The following INPP5F variants were observed in gnomAD, a reference collection of about 807,000 sequenced individuals.
The protein encoded by INPP5F is phosphatidylinositide 4-phosphatase SAC2.
Under a neutral mutation model 137.2 loss-of-function variants are expected in INPP5F, and 97 were observed. The ratio of observed to expected loss-of-function variants is 0.71; its 90% CI spans 0.60 to 0.84. The LOEUF (loss-of-function observed/expected upper bound fraction) is 0.84. Among genes scored for constraint, INPP5F ranks in the 40% least tolerant of loss-of-function variants. The pLI is 0.00. For synonymous variants in INPP5F, 504 were observed against 476.9 expected, an observed-to-expected ratio of 1.06 and a Z score of -0.74; for missense variants, 1,271 against 1,371.9, an observed-to-expected ratio of 0.93 and a Z score of 1.16.
At chr10:119,727,660 C>G (rs1284762233) in intron 1 of INPP5F, among the ~76,000 whole-genome samples, 2 of 152,138 alleles carry the variant, frequency 1.3e-5, no homozygotes, top group Non-Finnish European at 2.9e-5. Context: ...CAGGCTCTGT[C>G]TATATTTTCT....
At chr10:119,771,827 T>C in intron 2 of INPP5F, among the ~76,000 whole-genome samples, 1 of 132,568 alleles carries the variant, frequency 7.5e-6, no homozygotes, top group South Asian at 2.5e-4. Flanking sequence ...TTATCATCCA[T>C]ACTCCATAAA....
At chr10:119,809,975 T>C in intron 13 of INPP5F, 125 bp from the exon 14 acceptor site, 1 of 638,140 alleles carries the variant, frequency 1.6e-6, no homozygotes, top group South Asian at 2.1e-5. Flanking sequence ...TTGAAAATTA[T>C]AGAAGTCAGA....
intron 14 of INPP5F, among the ~76,000 whole-genome samples, chr10:119,811,504 T>C (rs144180558): frequency 6.6e-6 from 1 of 152,368 alleles, no homozygotes; most frequent in Admixed American, 6.5e-5. Flanking sequence ...GGTTATCTTT[T>C]CACTTTTGTG....
intron 1 of INPP5F, among the ~76,000 whole-genome samples, chr10:119,735,845 TG>T (rs1848200965): frequency 1.3e-5 from 2 of 152,218 alleles, no homozygotes; most frequent in South Asian, 4.1e-4. Context: ...TAAAATTCTG[TG>T]GGCCAGGCGC....
At chr10:119,802,614 A>G (rs936706378) in intron 9 of INPP5F, among the ~76,000 whole-genome samples, 1 of 152,180 alleles carries the variant, frequency 6.6e-6, no homozygotes, top group African/African-American at 2.4e-5. Flanking sequence ...TTGCTATTAT[A>G]AAGACTCCAG....
chr10:119,771,572 T>G (rs1388697625), intron 2 of INPP5F, among the ~76,000 whole-genome samples: 11 of 152,036 alleles, frequency 7.2e-5, no homozygotes, highest in Admixed American at 7.2e-4. Flanking sequence ...GAGAGTTTCT[T>G]TATGCATTTA....
At chr10:119,818,230 A>G (rs1404173655) in intron 15 of INPP5F, among the ~76,000 whole-genome samples, 1 of 152,162 alleles carries the variant, frequency 6.6e-6, no homozygotes, top group Non-Finnish European at 1.5e-5. Flanking sequence ...CCCCGACTCT[A>G]TCGACAGCGG....
In INPP5F at chr10:119,826,765, T is replaced by C; in HGVS notation, c.2384T>C (p.Val795Ala). The C allele has an allele frequency of 6.2e-7, 1 of 1,613,946 alleles. No individual in the cohort carries two copies. ...NQKVKQTKSN[V>A]NIGNLRKLGN... is the part of the protein sequence containing the mutation. ...AAAGTGAAGCAGACCAAATCCAATG[T>C]AAATATTGGCAACCTCCGAAAGCTA... The change falls in exon 20 of 20, where the codon GTA becomes GCA. Residue 795 changes from valine (V) to alanine (A), a missense_variant. This residue lies in a region of INPP5F where 490 missense variants were observed against 443.7 expected (regional missense o/e 1.10). Coordinates refer to ENST00000650623, the MANE Select transcript of INPP5F (RefSeq NM_014937.4).
chr10:119,739,583 T>C (rs1848315026), intron 1 of INPP5F, among the ~76,000 whole-genome samples: 1 of 152,238 alleles, frequency 6.6e-6, no homozygotes, highest in Non-Finnish European at 1.5e-5. Flanking sequence ...AGCCATAGAA[T>C]TAAATAAACT....
At chr10:119,789,920 G>T (rs1174963844) in intron 3 of INPP5F, among the ~76,000 whole-genome samples, 1 of 151,748 alleles carries the variant, frequency 6.6e-6, no homozygotes, top group Non-Finnish European at 1.5e-5. Flanking sequence ...GCCGTGTGTT[G>T]TAGGATGAGG....
chr10:119,803,023 T>C (rs1850645728), intron 9 of INPP5F, among the ~76,000 whole-genome samples: 1 of 152,230 alleles, frequency 6.6e-6, no homozygotes, highest in Non-Finnish European at 1.5e-5. Context: ...GTATATTTTT[T>C]TCATGTGGAT....
At chr10:119,785,489 GT>G (rs1281239664) in intron 3 of INPP5F, among the ~76,000 whole-genome samples, 1 of 148,494 alleles carries the variant, frequency 6.7e-6, no homozygotes, top group Non-Finnish European at 1.5e-5. Flanking sequence ...GTTTCACTGT[GT>G]TAGCCTGGTT....
At chr10:119,782,738 C>G (rs1849750435) in intron 3 of INPP5F, among the ~76,000 whole-genome samples, 1 of 152,126 alleles carries the variant, frequency 6.6e-6, no homozygotes, top group Admixed American at 6.5e-5. Context: ...AGTCACACAG[C>G]TGGCAGAGGT....
intron 1 of INPP5F, among the ~76,000 whole-genome samples, chr10:119,743,636 G>C (rs938153094): frequency 7.0e-5 from 9 of 128,988 alleles, no homozygotes; most frequent in African/African-American, 2.6e-4. Flanking sequence ...ATGACTGAAG[G>C]CTAGGTTGCT....
chr10:119,788,881 C>T (rs1415686561), intron 3 of INPP5F, among the ~76,000 whole-genome samples: 1 of 152,154 alleles, frequency 6.6e-6, no homozygotes, highest in Non-Finnish European at 1.5e-5. Flanking sequence ...AATAGCGGAC[C>T]TTTGATAGAT....
At chr10:119,736,402 G>A (rs905362930) in intron 1 of INPP5F, among the ~76,000 whole-genome samples, 10 of 152,178 alleles carry the variant, frequency 6.6e-5, no homozygotes, top group Admixed American at 2.0e-4. Flanking sequence ...CTGGCCTCAA[G>A]CAGTCCTCCT....
At chr10:119,778,319 T>TA (rs1455766861) in intron 2 of INPP5F, among the ~76,000 whole-genome samples, 1 of 152,148 alleles carries the variant, frequency 6.6e-6, no homozygotes, top group African/African-American at 2.4e-5. Flanking sequence ...ATATATCCTT[T>TA]AAAAAAATTG....
At chr10:119,736,676 CAGTT>C (rs750110656) in intron 1 of INPP5F, among the ~76,000 whole-genome samples, 3 of 152,120 alleles carry the variant, frequency 2.0e-5, no homozygotes, top group Admixed American at 2.0e-4. Context: ...TGAGATGTGA[CAGTT>C]AGGACTTTAT....
chr10:119,767,370 T>C (rs1419413673), intron 2 of INPP5F, among the ~76,000 whole-genome samples: 1 of 152,118 alleles, frequency 6.6e-6, no homozygotes, highest in Non-Finnish European at 1.5e-5. Context: ...AGTACAAATT[T>C]ACATTAGGCT....
Sources: allele counts gnomAD v4.1 joint callset (sites outside exome capture counted in the v4.1 genomes callset), GRCh38; gene constraint gnomAD v4.1.1; regional missense constraint gnomAD v4.1.1; transcripts MANE v1.5; gene names NCBI Gene and HGNC (gene_info 2026-07-23, HGNC 2026-07-21).